Variants in ZEB1 observed in about 807,000 individuals in gnomAD.
The protein encoded by ZEB1 is zinc finger E-box-binding homeobox 1.
A neutral mutation model predicts 84.9 loss-of-function variants in ZEB1; 21 were observed. That is an observed-to-expected ratio of 0.25 (90% confidence interval 0.18 to 0.36). ZEB1 has a LOEUF of 0.36. Among genes scored for constraint, ZEB1 ranks in the 10% least tolerant of loss-of-function variants. The pLI is 1.00. For synonymous variants in ZEB1, 420 were observed against 471.1 expected, an observed-to-expected ratio of 0.89 and a Z score of 1.41; for missense variants, 1,104 against 1,330.2, an observed-to-expected ratio of 0.83 and a Z score of 2.65.
chr10:31,436,225 G>C (rs77543710), intron 1 of ZEB1, among the ~76,000 whole-genome samples: 1 of 152,264 alleles, frequency 6.6e-6, no homozygotes, highest in Non-Finnish European at 1.5e-5. Flanking sequence ...CTCTTGACCT[G>C]AAGTTTTGTG....
chr10:31,366,079 C>G (rs1240125879), intron 1 of ZEB1, among the ~76,000 whole-genome samples: 1 of 152,086 alleles, frequency 6.6e-6, no homozygotes, highest in Non-Finnish European at 1.5e-5. Flanking sequence ...TGCACTTTCC[C>G]GCTTTCAAGT....
chr10:31,342,093 C>CAGA (rs1590109905), intron 1 of ZEB1, among the ~76,000 whole-genome samples: 1 of 152,160 alleles, frequency 6.6e-6, no homozygotes, highest in Non-Finnish European at 1.5e-5. Flanking sequence ...ATAGTTGTTA[C>CAGA]AGAAGATTCT....
intron 1 of ZEB1, among the ~76,000 whole-genome samples, chr10:31,431,148 C>T (rs574959692): frequency 6.6e-6 from 1 of 152,164 alleles, no homozygotes. Context: ...CCTAAACTGG[C>T]AGAGAGCTTG....
chr10:31,328,091 T>A (rs7090173), intron 1 of ZEB1, among the ~76,000 whole-genome samples: 11,772 of 152,238 alleles, frequency 0.077, 638 homozygotes, highest in African/African-American at 0.16. Context: ...GTCAAAATTT[T>A]GACTTTATGG....
At chr10:31,414,161 A>G (rs984076399) in intron 1 of ZEB1, among the ~76,000 whole-genome samples, 2 of 152,244 alleles carry the variant, frequency 1.3e-5, no homozygotes, top group African/African-American at 4.8e-5. Flanking sequence ...ATAAAACAAT[A>G]TTGCCATTTT....
intron 1 of ZEB1, among the ~76,000 whole-genome samples, chr10:31,327,321 G>A (rs1192129351): frequency 1.3e-5 from 2 of 151,918 alleles, no homozygotes; most frequent in African/African-American, 4.8e-5. Context: ...ATGTTAGCCA[G>A]GCTGGTCTCA....
intron 1 of ZEB1, among the ~76,000 whole-genome samples, chr10:31,458,102 G>A (rs1252499619): frequency 1.3e-5 from 2 of 152,030 alleles, no homozygotes; most frequent in African/African-American, 2.4e-5. Context: ...TGAGAGCCTT[G>A]CAGTGAGCCA....
chr10:31,500,878 T>A (rs2068025664), intron 3 of ZEB1, among the ~76,000 whole-genome samples: 1 of 152,180 alleles, frequency 6.6e-6, no homozygotes, highest in Non-Finnish European at 1.5e-5. Flanking sequence ...AATCCCAATT[T>A]GGTAACTACT....
chr10:31,522,012 A>G, intron 7 of ZEB1, 76 bp downstream of exon 7: 1 of 1,596,160 alleles, frequency 6.3e-7, no homozygotes, highest in Non-Finnish European at 8.6e-7. Flanking sequence ...TGTCTAATAA[A>G]TATCAGTCCC....
intron 1 of ZEB1, among the ~76,000 whole-genome samples, chr10:31,429,194 T>A (rs2057365550): frequency 6.6e-6 from 1 of 152,214 alleles, no homozygotes; most frequent in South Asian, 2.1e-4. Flanking sequence ...TTTTGTAGGA[T>A]CTGGTAACGG....
chr10:31,364,650 C>G (rs931722014), intron 1 of ZEB1, among the ~76,000 whole-genome samples: 1 of 152,238 alleles, frequency 6.6e-6, no homozygotes, highest in Non-Finnish European at 1.5e-5. Context: ...GGATGCACCT[C>G]TTACCACATG....
chr10:31,387,819 TTA>T lies in ZEB1; in HGVS notation c.58+68529_58+68530del, dbSNP rs147719503. 1.8e-3 allele frequency: 1,690 copies of T among 941,918 alleles called. 16 individuals are homozygous for T. In the African/African-American group the frequency reaches 0.025, roughly 14 times the overall value. 58.3% of individuals were successfully genotyped at this position (941,918 alleles called of 1,614,324 possible). ...AAAAGGTATGTAATCATAAAATTTT[TTA>T]TGTCAGATCTTAATTGAAAAATATT... On this transcript the variant is annotated intron_variant, in intron 1 of 8. Transcript: ENST00000424869.
At chr10:31,319,003 C>G, upstream of ZEB1, 1 of 588,348 alleles carries the variant, frequency 1.7e-6, no homozygotes, top group Non-Finnish European at 3.1e-6. Flanking sequence ...CCTCGCCCCT[C>G]AATTCAAATT....
chr10:31,404,785 T>C (rs568962383), intron 1 of ZEB1, among the ~76,000 whole-genome samples: 1 of 152,268 alleles, frequency 6.6e-6, no homozygotes, highest in South Asian at 2.1e-4. Flanking sequence ...AGCATGAATG[T>C]AAGCCATGTG....
intron 1 of ZEB1, among the ~76,000 whole-genome samples, chr10:31,395,969 A>G (rs1430693055): frequency 1.3e-5 from 2 of 152,170 alleles, no homozygotes; most frequent in Non-Finnish European, 2.9e-5. Context: ...CAACTAAGTA[A>G]TCATGATCAT....
intron 1 of ZEB1, among the ~76,000 whole-genome samples, chr10:31,449,178 A>T (rs543047205): frequency 6.6e-6 from 1 of 152,200 alleles, no homozygotes; most frequent in Non-Finnish European, 1.5e-5. Context: ...CCGATTTTCC[A>T]GGTGCGTCTG....
chr10:31,485,957 A>G (rs2065700004), intron 2 of ZEB1, among the ~76,000 whole-genome samples: 1 of 151,920 alleles, frequency 6.6e-6, no homozygotes. Flanking sequence ...TGAGAATGTT[A>G]TAAAAATGAA....
Position 31,527,052 on chromosome 10 carries a change from G to T in ZEB1, c.3166G>T (p.Glu1056Ter). Residue 1056 changes from glutamate (E) to a stop codon, truncating the protein, a stop_gained, in exon 9 of 9, where the codon GAA becomes TAA. Transcript: ENST00000424869. LOFTEE classifies it low-confidence loss of function (END_TRUNC). ...KEMEELQEEK[E>*]CEKPQGDEEE... ...GATGGAAGAATTGCAGGAAGAAAAA[G>T]AATGTGAAAAACCACAAGGGGATGA... The T allele has an allele frequency of 1.9e-6, 3 of 1,585,242 alleles. No homozygotes were observed. The highest frequency in any genetic ancestry group is 1.7e-6 in the Non-Finnish European group (2 of 1,163,962).
intron 1 of ZEB1, among the ~76,000 whole-genome samples, chr10:31,407,592 G>C (rs897290081): frequency 2.0e-5 from 3 of 152,062 alleles, no homozygotes; most frequent in African/African-American, 7.2e-5. Flanking sequence ...ATGATTTATA[G>C]TCCTTTGGGT....
Sources: gnomAD v4.1 joint callset for allele counts (sites outside exome capture counted in the v4.1 genomes callset) on GRCh38, gnomAD v4.1.1 for gene constraint, MANE v1.5 for transcripts, NCBI Gene and HGNC (gene_info 2026-07-23, HGNC 2026-07-21) for gene names.